Variants in TRPM3 observed in about 807,000 individuals in gnomAD.
TRPM3 encodes the protein long transient receptor potential channel 3.
A neutral mutation model predicts 181.2 loss-of-function variants in TRPM3; 77 were observed. The ratio of observed to expected loss-of-function variants is 0.42; its 90% CI spans 0.35 to 0.51. The LOEUF (loss-of-function observed/expected upper bound fraction) is 0.51, where lower values mean the gene tolerates loss of function less well. Ranked by LOEUF, TRPM3 falls within the 20% of genes least tolerant of loss-of-function variation. The pLI, the probability that TRPM3 is intolerant of heterozygous loss-of-function variation, is 0.01. For missense variants in TRPM3, 1,759 were observed against 2,196.7 expected (o/e 0.80, Z 3.98); for synonymous variants, 745 against 796.4 (o/e 0.94, Z 1.09).
At chr9:71,215,829 G>A (rs547158443) in intron 1 of TRPM3, among the ~76,000 whole-genome samples, 1 of 152,282 alleles carries the variant, frequency 6.6e-6, no homozygotes, top group African/African-American at 2.4e-5. Context: ...ATGCCAGGAT[G>A]AACAGACAGT....
At chr9:71,028,074 G>A (rs2056807680) in intron 1 of TRPM3, among the ~76,000 whole-genome samples, 1 of 152,120 alleles carries the variant, frequency 6.6e-6, no homozygotes, top group African/African-American at 2.4e-5. Context: ...AGAAAGAACA[G>A]GTCACCTACA....
chr9:70,598,295 A>C lies in TRPM3; in HGVS notation c.3048+124T>G, dbSNP rs577355176. 4.2e-5 allele frequency: 55 copies of C among 1,298,146 alleles called. No homozygotes were observed. The South Asian group carries it at 8.0e-4, about 19-fold the overall frequency. The allele number at this position is 1,298,146 out of a possible 1,614,324, so 80.4% of individuals were successfully genotyped here. ...ACATTCAAAAGGAATTCATAAAATA[A>C]AACACCTCTAGGGCCATCTCATTTA... On this transcript the variant is annotated intron_variant, in intron 21 of 25. Transcript: ENST00000677713.
chr9:71,365,242 A>G (rs1482549985), intron 1 of TRPM3, among the ~76,000 whole-genome samples: 3 of 152,196 alleles, frequency 2.0e-5, no homozygotes, highest in Non-Finnish European at 4.4e-5. Context: ...TAATTGTTTA[A>G]TATTAAAGCA....
chr9:71,282,210 A>G (rs1030956332), intron 1 of TRPM3, among the ~76,000 whole-genome samples: 4 of 131,962 alleles, frequency 3.0e-5, no homozygotes, highest in Non-Finnish European at 4.8e-5. Context: ...GAAAGAAAGA[A>G]AGAAAGGAAA....
At chr9:71,230,297 G>A (rs2131899282) in intron 1 of TRPM3, among the ~76,000 whole-genome samples, 1 of 151,882 alleles carries the variant, frequency 6.6e-6, no homozygotes, top group South Asian at 2.1e-4. Flanking sequence ...GAGAGCAGAA[G>A]GATGATTACC....
chr9:71,408,812 C>T (rs1588894572), intron 1 of TRPM3, among the ~76,000 whole-genome samples: 2 of 152,180 alleles, frequency 1.3e-5, no homozygotes, highest in East Asian at 3.9e-4. Flanking sequence ...TCAGATTCAC[C>T]AAGGTTGAAA....
At chr9:71,440,250 T>C (rs1272388361) in intron 1 of TRPM3, among the ~76,000 whole-genome samples, 1 of 152,138 alleles carries the variant, frequency 6.6e-6, no homozygotes, top group Non-Finnish European at 1.5e-5. Flanking sequence ...AGAAATATAA[T>C]TCACCCAAGG....
chr9:70,951,624 G>A (rs1471586053), intron 1 of TRPM3, among the ~76,000 whole-genome samples: 2 of 152,168 alleles, frequency 1.3e-5, no homozygotes, highest in African/African-American at 2.4e-5. Flanking sequence ...TTACAGGCAT[G>A]AGCCACCATG....
chr9:70,957,115 C>A (rs952652586), intron 1 of TRPM3, among the ~76,000 whole-genome samples: 1 of 151,844 alleles, frequency 6.6e-6, no homozygotes, highest in Non-Finnish European at 1.5e-5. Flanking sequence ...CACGCGCCAC[C>A]GCACCTGGCT....
At chr9:70,809,040 A>G (rs2091314104) in intron 6 of TRPM3, among the ~76,000 whole-genome samples, 1 of 152,194 alleles carries the variant, frequency 6.6e-6, no homozygotes, top group Non-Finnish European at 1.5e-5. Flanking sequence ...GGCCTAGTTT[A>G]ATGAGTGTGT....
intron 1 of TRPM3, among the ~76,000 whole-genome samples, chr9:71,031,826 T>G (rs1019025769): frequency 7.4e-5 from 11 of 148,578 alleles, no homozygotes; most frequent in Non-Finnish European, 3.0e-5. Context: ...CCATTAAAAT[T>G]TGACACTTCA....
chr9:71,443,714 T>A (rs2094165323), intron 1 of TRPM3, among the ~76,000 whole-genome samples: 1 of 152,066 alleles, frequency 6.6e-6, no homozygotes, highest in Non-Finnish European at 1.5e-5. Context: ...AGGTAGGAAA[T>A]CTAACTGTCA....
At chr9:70,893,723 A>G (rs571700622) in intron 1 of TRPM3, among the ~76,000 whole-genome samples, 22 of 152,174 alleles carry the variant, frequency 1.4e-4, no homozygotes, top group Non-Finnish European at 2.6e-4. Flanking sequence ...ACACGTGGCG[A>G]GATTAAAGGA....
intron 1 of TRPM3, among the ~76,000 whole-genome samples, chr9:71,433,541 A>G (rs1353662617): frequency 6.6e-6 from 1 of 152,230 alleles, no homozygotes; most frequent in South Asian, 2.1e-4. Context: ...CTTTATTTGC[A>G]GCATGAAAAC....
At chr9:70,610,843 A>C in intron 18 of TRPM3, 94 bp from the exon 19 acceptor site, 1 of 1,436,984 alleles carries the variant, frequency 7.0e-7, no homozygotes, top group Non-Finnish European at 9.5e-7. Flanking sequence ...GGATGCTCAT[A>C]GAACCTAAGA....
Position 71,368,004 on chromosome 9 carries a change from G to GAGTGTA in TRPM3, c.183+78648_183+78649insTACACT, listed in dbSNP as rs1554885293. Among the ~76,000 whole-genome samples the GAGTGTA allele has an allele frequency of 1.1e-4, 4 of 37,894 alleles. 1 individual carries two copies. Among genetic ancestry groups the GAGTGTA allele is most frequent in the Middle Eastern group, 0.024 (2 of 82 alleles). 24.9% of individuals were successfully genotyped at this position (37,894 alleles called of 152,430 possible). On this transcript the variant is annotated intron_variant, in intron 1 of 24. Coordinates refer to the TRPM3 transcript ENST00000357533. ...TGCACATATATGTGCACACACACAT[G>GAGTGTA]TGAGTGTATGTGTACACACACACAT...
chr9:70,874,329 A>G (rs887310291), intron 1 of TRPM3, among the ~76,000 whole-genome samples: 1 of 152,006 alleles, frequency 6.6e-6, no homozygotes, highest in African/African-American at 2.4e-5. Flanking sequence ...ATGCTATGGC[A>G]TATAGAATTT....
intron 1 of TRPM3, among the ~76,000 whole-genome samples, chr9:71,365,156 A>G (rs1344170328): frequency 6.6e-6 from 1 of 152,150 alleles, no homozygotes; most frequent in Admixed American, 6.5e-5. Flanking sequence ...AGCTTCCTCC[A>G]CCATTCTGTG....
chr9:71,290,016 T>C (rs2085664105), intron 1 of TRPM3, among the ~76,000 whole-genome samples: 1 of 151,990 alleles, frequency 6.6e-6, no homozygotes. Context: ...TATGTTCTTG[T>C]ATCAAAGTAT....
Sources: gnomAD v4.1 joint callset for allele counts (sites outside exome capture counted in the v4.1 genomes callset) on GRCh38, gnomAD v4.1.1 for gene constraint, MANE v1.5 for transcripts, NCBI Gene and HGNC (gene_info 2026-07-23, HGNC 2026-07-21) for gene names.